The following PRAMEF15 variants were observed in gnomAD, a reference collection of about 807,000 sequenced individuals.
PRAMEF15 encodes the protein PRAME family member 9/15.
Under a neutral mutation model 35.3 loss-of-function variants are expected in PRAMEF15, and 21 were observed. The ratio of observed to expected loss-of-function variants is 0.59; its 90% CI spans 0.42 to 0.86. The LOEUF is 0.86. PRAMEF15 is among the 40% of genes least tolerant of loss of function. PRAMEF15 has a pLI of 0.00. For missense variants in PRAMEF15, 360 were observed against 574.1 expected, an observed-to-expected ratio of 0.63 and a Z score of 3.81; for synonymous variants, 122 against 223.3, an observed-to-expected ratio of 0.55 and a Z score of 4.05.
chr1:13,321,422 G>T (rs1282230535), intron 3 of PRAMEF15, among the ~76,000 whole-genome samples: 1 of 149,048 alleles, frequency 6.7e-6, no homozygotes, highest in Non-Finnish European at 1.5e-5. Flanking sequence ...ACCATGTTCA[G>T]CAGGCTGGTC....
chr1:13,321,112 T>G (rs1421696954), intron 3 of PRAMEF15, among the ~76,000 whole-genome samples: 18 of 151,834 alleles, frequency 1.2e-4, no homozygotes, highest in Non-Finnish European at 1.9e-4. Flanking sequence ...GGATGTGGTT[T>G]TCTGCCTGAC....
chr1:13,319,304 C>G (rs568981539), intron 2 of PRAMEF15, 68 bp from the exon 3 acceptor site: 33,887 of 1,561,914 alleles, frequency 0.022, 861 homozygotes, highest in East Asian at 0.2. Flanking sequence ...GAGCTGCTAT[C>G]CAGGATGTGG....
At position 13,321,886 on chromosome 1, in the gene PRAMEF15, C is replaced by G. The variant is rs1640088824; in HGVS notation, c.1059C>G (p.Thr353=). 7.4e-6 allele frequency: 12 copies of G among 1,610,760 alleles called. No individual in the cohort carries two copies. The South Asian group carries it at 1.3e-4, about 18-fold the overall frequency. ...LQILLEKVAA[T]LEYLDLDDCG... is the part of the protein sequence containing the mutation. ...TTCTCCTAGAAAAAGTTGCAGCCAC[C>G]CTTGAGTACCTGGATTTAGATGACT... Residue 353 remains threonine, a synonymous_variant, in exon 4 of 4, where the codon ACC becomes ACG. Coordinates refer to ENST00000376152, the MANE Select transcript of PRAMEF15 (RefSeq NM_001098376.3).
At chr1:13,318,297 A>G in intron 1 of PRAMEF15, 95 bp from the exon 2 acceptor site, 3 of 1,591,646 alleles carry the variant, frequency 1.9e-6, no homozygotes, top group South Asian at 1.1e-5. Flanking sequence ...CTCTTTCACC[A>G]TTGCCAGAGC....
At chr1:13,318,020 G>C (rs1640029272) in intron 1 of PRAMEF15, among the ~76,000 whole-genome samples, 2 of 152,098 alleles carry the variant, frequency 1.3e-5, no homozygotes, top group African/African-American at 4.8e-5. Flanking sequence ...TGTAGGAACT[G>C]AAAATGTGGG....
At position 13,319,527 on chromosome 1, in the gene PRAMEF15, C is replaced by T; in HGVS notation, c.449C>T (p.Thr150Ile). The T allele has an allele frequency of 6.2e-7, 1 of 1,613,920 alleles. No homozygotes were observed. Among genetic ancestry groups the T allele is most frequent in the Non-Finnish European group, 8.5e-7 (1 of 1,179,864 alleles). The change falls in exon 3 of 4, where the codon ACT becomes ATT. Residue 150 changes from threonine (T) to isoleucine (I), a missense_variant. This residue lies in a region of PRAMEF15 where 36 missense variants were observed against 164.8 expected (regional missense o/e 0.22). Transcript: ENST00000376152. ...AGGATGAGAGGACGGCAGCCCTTGA[C>T]TGTGTTCGTAGAACTTTGGCTCAAG... The part of the protein sequence containing the change: ...CPRMRGRQPL[T>I]VFVELWLKNR...
chr1:13,322,136 A>C lies in PRAMEF15; in HGVS notation c.1309A>C (p.Arg437=). 6.2e-7 allele frequency: 1 copy of C among 1,609,662 alleles called. No homozygotes were observed. The highest frequency in any genetic ancestry group is 8.5e-7 in the Non-Finnish European group (1 of 1,179,216). ...CTGCTGGAGCAGATTTGCTCAAATT[A>C]GGGCTGAGCTGATGAACAGAGTGAG... ...TLCWSRFAQI[R]AELMNRVRDL... is the part of the protein sequence containing the mutation. Residue 437 remains arginine, a synonymous_variant, in exon 4 of 4, where the codon AGG becomes CGG. Coordinates refer to ENST00000376152, the MANE Select transcript of PRAMEF15 (RefSeq NM_001098376.3).
In PRAMEF15 at chr1:13,319,409, T is replaced by A. The variant is rs782157799; in HGVS notation, c.331T>A (p.Cys111Ser). The A allele has an allele frequency of 5.0e-5, 81 of 1,612,074 alleles. 1 individual carries two copies. In the South Asian group the frequency reaches 6.8e-4, roughly 14 times the overall value. Residue 111 changes from cysteine (C) to serine (S), a missense_variant, in exon 3 of 4, where the codon TGT (cysteine) becomes AGT (serine). Transcript: ENST00000376152. ...CCAAGTGCTGGATTTACAGGATGTC[T>A]GTGAGAACTTCTGGATGGTTTGGTC... ...KLQVLDLQDV[C>S]ENFWMVWSEA...
intron 3 of PRAMEF15, among the ~76,000 whole-genome samples, 177 bp downstream of exon 3, chr1:13,320,130 C>G (rs1640063464): frequency 6.6e-6 from 1 of 152,054 alleles, no homozygotes; most frequent in African/African-American, 2.4e-5. Context: ...GCAACCATCC[C>G]AATAGAGGCA....
At chr1:13,321,083 C>G (rs1283386951) in intron 3 of PRAMEF15, among the ~76,000 whole-genome samples, 1 of 152,040 alleles carries the variant, frequency 6.6e-6, no homozygotes, top group East Asian at 1.9e-4. Context: ...TGAATCTCCA[C>G]TGGGCTCCTG....
rs1287958661 is a variant in PRAMEF15, at chr1:13,318,462, C to T, written c.55C>T (p.Leu19=). 2,308 of 1,614,068 alleles carry T rather than the reference C, an allele frequency of 1.4e-3. No homozygotes were observed. Among genetic ancestry groups the T allele is most frequent in the Non-Finnish European group, 1.8e-3 (2,119 of 1,180,036 alleles). Reference sequence around the variant, plus strand: ...ACTCCTGGAGCTTGCAGGGCGGAGCCTGCTGAGGGACCAAGCTTTGGCCAT... The same window carrying T: ...ACTCCTGGAGCTTGCAGGGCGGAGCTTGCTGAGGGACCAAGCTTTGGCCAT... The part of the protein sequence containing the change: ...PRLLELAGRS[L]LRDQALAMST... Residue 19 remains leucine, a synonymous_variant, in exon 2 of 4, where the codon CTG becomes TTG. Coordinates refer to ENST00000376152, the MANE Select transcript of PRAMEF15 (RefSeq NM_001098376.3).
Position 13,319,402 on chromosome 1 carries a change from G to A in PRAMEF15, c.324G>A (p.Gln108=), listed in dbSNP as rs551110229. ...GGAAACTCCAAGTGCTGGATTTACA[G>A]GATGTCTGTGAGAACTTCTGGATGG... The part of the protein sequence containing the change: ...RRWKLQVLDL[Q]DVCENFWMVW... The change falls in exon 3 of 4, where the codon CAG becomes CAA. Residue 108 remains glutamine, a synonymous_variant. Coordinates refer to ENST00000376152, the MANE Select transcript of PRAMEF15 (RefSeq NM_001098376.3). The A allele has an allele frequency of 1.4e-4, 231 of 1,611,912 alleles. 1 individual carries two copies. The African/African-American group carries it at 2.5e-3, about 18-fold the overall frequency.
rs1301576575 is a variant in PRAMEF15, at chr1:13,322,038, C to A, written c.1211C>A (p.Thr404Lys). 5.6e-6 allele frequency: 9 copies of A among 1,610,050 alleles called. No individual in the cohort carries two copies. In the South Asian group the frequency reaches 9.9e-5, roughly 18 times the overall value. The change falls in exon 4 of 4, where the codon ACA becomes AAA. Residue 404 changes from threonine (T) to lysine (K), a missense_variant. Thr to Lys is a moderately conservative substitution (Grantham distance 78, BLOSUM62 -1). Around this residue, in one of 8 missense-constraint regions of PRAMEF15, gnomAD observed 147 missense variants for 123.5 expected, o/e 1.19. Coordinates refer to ENST00000376152, the MANE Select transcript of PRAMEF15 (RefSeq NM_001098376.3). ...ACCCTGGAGAACCTGCTGAGCCACA[C>A]AATCATACTCAAAAACTTATGTGTG... The part of the protein sequence containing the change: ...MATLENLLSH[T>K]IILKNLCVEL...
chr1:13,317,366 A>G (rs1436135806), intron 1 of PRAMEF15, among the ~76,000 whole-genome samples: 3 of 151,826 alleles, frequency 2.0e-5, no homozygotes, highest in Non-Finnish European at 4.4e-5. Context: ...CACTGCACCC[A>G]GCCAAAATGG....
rs1301576575 is a variant in PRAMEF15, at chr1:13,322,038, C to T, written c.1211C>T (p.Thr404Ile). The change falls in exon 4 of 4, where the codon ACA becomes ATA. Residue 404 changes from threonine (T) to isoleucine (I), a missense_variant. Physicochemically the swap from Thr to Ile is moderately conservative, Grantham distance 89. Transcript: ENST00000376152. Reference protein sequence around the residue: ...MATLENLLSHTIILKNLCVEL... With the variant: ...MATLENLLSHIIILKNLCVEL... ...ACCCTGGAGAACCTGCTGAGCCACA[C>T]AATCATACTCAAAAACTTATGTGTG... 5.3e-5 allele frequency: 85 copies of T among 1,610,050 alleles called. 2 individuals carry two copies. In the African/African-American group the frequency reaches 1.0e-3, roughly 19 times the overall value.
At position 13,317,623 on chromosome 1, in the gene PRAMEF15, G is replaced by A. The variant is rs1214843888; in HGVS notation, c.-16-769G>A. 3.6e-4 allele frequency among the ~76,000 whole-genome samples: 54 copies of A among 150,160 alleles called. 1 individual carries two copies. The highest frequency in any genetic ancestry group is 7.4e-4 in the African/African-American group (30 of 40,708). ...TGTCTTTACAAAAAGTCAAAAAATA[G>A]AAGATGAGCTGGGTGTGGTGATGCA... is the stretch of plus-strand genomic sequence containing the variant. On this transcript the variant is annotated intron_variant, in intron 1 of 3. Transcript: ENST00000376152.
intron 1 of PRAMEF15, among the ~76,000 whole-genome samples, chr1:13,316,791 C>T (rs1255765627): frequency 1.3e-5 from 2 of 151,726 alleles, no homozygotes; most frequent in African/African-American, 2.4e-5. Flanking sequence ...TTTGATGTGG[C>T]CAAGGATCCC....
intron 1 of PRAMEF15, among the ~76,000 whole-genome samples, chr1:13,316,465 C>A (rs1316470721): frequency 1.3e-5 from 2 of 151,536 alleles, no homozygotes; most frequent in Non-Finnish European, 2.9e-5. Context: ...GATCTTTGAC[C>A]GTAATTTTAA....
chr1:13,321,110 T>A (rs1251981521), intron 3 of PRAMEF15, among the ~76,000 whole-genome samples: 2 of 151,706 alleles, frequency 1.3e-5, no homozygotes, highest in African/African-American at 4.9e-5. Context: ...AGGGATGTGG[T>A]TTTCTGCCTG....
Sources: gnomAD v4.1 joint callset for allele counts (sites outside exome capture counted in the v4.1 genomes callset) on GRCh38, gnomAD v4.1.1 for gene constraint, gnomAD v4.1.1 regional missense constraint, MANE v1.5 for transcripts, NCBI Gene and HGNC (gene_info 2026-07-23, HGNC 2026-07-21) for gene names.